The following SH3GL3 variants were observed in gnomAD, a reference collection of about 807,000 sequenced individuals.
SH3GL3 encodes the protein endophilin-A3.
Under a neutral mutation model 47.7 loss-of-function variants are expected in SH3GL3, and 33 were observed. The observed-to-expected ratio is 0.69, with a 90% confidence interval of 0.52 to 0.92. SH3GL3 has a LOEUF of 0.92. SH3GL3 is among the 40% of genes least tolerant of loss of function. SH3GL3 has a pLI of 0.00. For missense variants in SH3GL3, 363 were observed against 417.8 expected (o/e 0.87, Z 1.14); for synonymous variants, 155 against 148.8 (o/e 1.04, Z -0.30).
At chr15:83,466,241 T>C (rs1326920264) in intron 1 of SH3GL3, among the ~76,000 whole-genome samples, 2 of 152,184 alleles carry the variant, frequency 1.3e-5, no homozygotes, top group Non-Finnish European at 2.9e-5. Flanking sequence ...TAGTAATCCA[T>C]GGTATGGATG....
At chr15:83,468,800 G>GT (rs34233165) in intron 1 of SH3GL3, among the ~76,000 whole-genome samples, 3,236 of 128,932 alleles carry the variant, frequency 0.025, 89 homozygotes, top group African/African-American at 0.066. Flanking sequence ...CTTTAGTAGT[G>GT]TTTTTTTTTT....
chr15:83,572,472 C>G (rs980047862), intron 4 of SH3GL3, 93 bp from the exon 5 acceptor site: 1 of 1,082,064 alleles, frequency 9.2e-7, no homozygotes, highest in Admixed American at 2.2e-5. Context: ...ACACCATCAT[C>G]CACACACTTT....
rs1452531913 is a variant in SH3GL3, at chr15:83,587,148, T to C, written c.728+62T>C. 3.6e-6 allele frequency: 3 copies of C among 826,490 alleles called. No homozygotes were observed. The Admixed American group carries it at 6.9e-5, about 19-fold the overall frequency. The allele number at this position is 826,490 out of a possible 1,614,324, so 51.2% of individuals were successfully genotyped here. A position where few individuals can be genotyped will look rare whatever the true frequency, so the allele number is the denominator to read the frequency against. ...CGGAGGTAACATCTATTGAAATCCA[T>C]CTGTCTGTCTCTCCATCTCTCCATC... is the stretch of plus-strand genomic sequence containing the variant. On this transcript the variant is annotated intron_variant, in intron 7 of 8. Transcript: ENST00000427482.
chr15:83,467,372 C>G (rs1430711160), intron 1 of SH3GL3, among the ~76,000 whole-genome samples: 1 of 152,184 alleles, frequency 6.6e-6, no homozygotes, highest in African/African-American at 2.4e-5. Context: ...CATGCCTTGC[C>G]TATTCTGTTC....
chr15:83,589,552 T>C (rs2060039719), intron 8 of SH3GL3, among the ~76,000 whole-genome samples: 1 of 152,076 alleles, frequency 6.6e-6, no homozygotes, highest in Admixed American at 6.5e-5. Flanking sequence ...AATTTTTTTA[T>C]TTTTTGTAGA....
intron 1 of SH3GL3, among the ~76,000 whole-genome samples, chr15:83,485,111 G>A (rs1057229361): frequency 6.6e-6 from 1 of 152,104 alleles, no homozygotes; most frequent in Non-Finnish European, 1.5e-5. Context: ...ACTAAAAAAT[G>A]TCACCAGAAC....
chr15:83,494,839 T>C (rs1323002393), intron 1 of SH3GL3, among the ~76,000 whole-genome samples: 1 of 152,146 alleles, frequency 6.6e-6, no homozygotes, highest in Non-Finnish European at 1.5e-5. Flanking sequence ...CCACCGCACC[T>C]GGCCGCTTTT....
chr15:83,625,449 G>A, the SH3GL3 span, among the ~76,000 whole-genome samples: 4 of 152,144 alleles, frequency 2.6e-5, no homozygotes, highest in Non-Finnish European at 4.4e-5. Flanking sequence ...ATTGTACACT[G>A]TGGCCCTACC....
chr15:83,499,740 G>T (rs796665271), intron 1 of SH3GL3, among the ~76,000 whole-genome samples: 1 of 152,078 alleles, frequency 6.6e-6, no homozygotes, highest in South Asian at 2.1e-4. Flanking sequence ...CTGAGTAAAT[G>T]ATTATTAGTG....
At chr15:83,480,700 T>G (rs1233765911) in intron 1 of SH3GL3, among the ~76,000 whole-genome samples, 1 of 152,252 alleles carries the variant, frequency 6.6e-6, no homozygotes, top group Non-Finnish European at 1.5e-5. Flanking sequence ...TTTCTTGTCA[T>G]CATTCCCTAA....
At chr15:83,490,770 G>T in intron 1 of SH3GL3, 1 of 1,610,032 alleles carries the variant, frequency 6.2e-7, no homozygotes, top group South Asian at 1.1e-5. Context: ...AAGTGAATAA[G>T]ACCATTTTCC....
chr15:83,557,873 G>A (rs1359879655), intron 1 of SH3GL3, among the ~76,000 whole-genome samples: 1 of 152,202 alleles, frequency 6.6e-6, no homozygotes, highest in Non-Finnish European at 1.5e-5. Context: ...CTGTAAAGAC[G>A]CAGGACAGGG....
rs2043285705 is a variant in SH3GL3, at chr15:83,523,349, G to C, written c.46-35904G>C. ...CCTGCCCCTCAGAAGAGTTTGGAAGGGCAGAGTTCTGTGGGAGAGTTTGCC... is the reference window on the plus strand; with the variant it reads ...CCTGCCCCTCAGAAGAGTTTGGAAGCGCAGAGTTCTGTGGGAGAGTTTGCC... On this transcript the variant is annotated intron_variant, in intron 1 of 8. Transcript: ENST00000427482. 2.0e-5 allele frequency among the ~76,000 whole-genome samples: 3 copies of C among 152,168 alleles called. No homozygotes were observed. In the South Asian group the frequency reaches 6.2e-4, roughly 32 times the overall value.
chr15:83,519,441 T>C (rs2043119645), intron 1 of SH3GL3, among the ~76,000 whole-genome samples: 1 of 152,224 alleles, frequency 6.6e-6, no homozygotes, highest in Admixed American at 6.5e-5. Flanking sequence ...TAAACAGGAT[T>C]GCATTCTTGA....
chr15:83,630,002 G>A, the SH3GL3 span, among the ~76,000 whole-genome samples: 103 of 152,274 alleles, frequency 6.8e-4, no homozygotes, highest in Middle Eastern at 3.4e-3. Context: ...TAATTGAATC[G>A]TAGGGGTGGG....
In SH3GL3 at chr15:83,613,620, AATCTATCTATCTATCT is replaced by A. The variant is rs71453208; in HGVS notation, c.839-4422_839-4407del. Reference sequence around the variant, plus strand: ...AGAGTAAATGGGAGGGAAATATATAAATCTATCTATCTATCTATCTATCTATCTATCTATCTATCTA... The same window carrying A: ...AGAGTAAATGGGAGGGAAATATATAAATCTATCTATCTATCTATCTATCTA... On this transcript the variant is annotated intron_variant, in intron 8 of 8. Transcript: ENST00000427482. 6.7e-3 allele frequency among the ~76,000 whole-genome samples: 986 copies of A among 146,910 alleles called. 6 individuals carry two copies. The highest frequency in any genetic ancestry group is 1.0e-2 in the East Asian group (49 of 4,924).
chr15:83,624,075 C>T, the SH3GL3 span, among the ~76,000 whole-genome samples: 7 of 152,202 alleles, frequency 4.6e-5, no homozygotes, highest in Admixed American at 3.9e-4. Flanking sequence ...GCCAAATAGG[C>T]TCCTGACAGG....
chr15:83,449,714 C>CT lies in SH3GL3; in HGVS notation c.45+2153dup, dbSNP rs11361312. Among the ~76,000 whole-genome samples the CT allele has an allele frequency of 5.5e-3, 693 of 125,874 alleles. 5 individuals are homozygous for CT. The highest frequency in any genetic ancestry group is 0.015 in the African/African-American group (501 of 34,006). 82.6% of individuals were successfully genotyped at this position (125,874 alleles called of 152,430 possible). A position where few individuals can be genotyped will look rare whatever the true frequency, so the allele number is the denominator to read the frequency against. On this transcript the variant is annotated intron_variant, in intron 1 of 8. Coordinates refer to ENST00000427482, the MANE Select transcript of SH3GL3 (RefSeq NM_003027.5). ...AAATGAACAGAACGTCTTATTTAGTCTTTTTTTTTTTTTTTTTCGCATGAG... is the reference window on the plus strand; with the variant it reads ...AAATGAACAGAACGTCTTATTTAGTCTTTTTTTTTTTTTTTTTTCGCATGAG...
intron 4 of SH3GL3, among the ~76,000 whole-genome samples, chr15:83,571,867 G>C (rs1722898492): frequency 1.3e-5 from 2 of 152,168 alleles, no homozygotes; most frequent in Non-Finnish European, 2.9e-5. Context: ...GAGGGCACCT[G>C]GTTTGCAGTA....
Sources: gnomAD v4.1 joint callset for allele counts (sites outside exome capture counted in the v4.1 genomes callset) on GRCh38, gnomAD v4.1.1 for gene constraint, MANE v1.5 for transcripts, NCBI Gene and HGNC (gene_info 2026-07-23, HGNC 2026-07-21) for gene names.